Variants in NDUFAF2 observed in about 807,000 individuals in gnomAD.
NDUFAF2 encodes NADH:ubiquinone oxidoreductase complex assembly factor 2.
In NDUFAF2, 13 loss-of-function variants were observed where a neutral mutation model predicts 22.8. That is an observed-to-expected ratio of 0.57 (90% CI 0.37 to 0.91). The LOEUF (loss-of-function observed/expected upper bound fraction) is 0.91, where lower values mean the gene tolerates loss of function less well. Ranked by LOEUF, NDUFAF2 falls within the 40% of genes least tolerant of loss-of-function variation. The pLI, the probability that NDUFAF2 is intolerant of heterozygous loss-of-function variation, is 0.01. For synonymous variants in NDUFAF2, 53 were observed against 64.2 expected (o/e 0.83, Z 0.84); for missense variants, 162 against 195.2 (o/e 0.83, Z 1.01).
At chr5:61,113,486 C>T (rs916783825) in intron 3 of NDUFAF2, among the ~76,000 whole-genome samples, 15 of 152,220 alleles carry the variant, frequency 9.9e-5, no homozygotes, top group African/African-American at 3.6e-4. Context: ...ATTGTAGTTC[C>T]CATAATCCCC....
chr5:61,073,200 C>T lies in NDUFAF2; in HGVS notation c.203C>T (p.Pro68Leu). ...GTAGACTATGAAGCAGGGGATATTC[C>T]AACAGAATGGGAAGGTAAGTTTCTG... is the stretch of plus-strand genomic sequence containing the variant. ...KEVDYEAGDI[P>L]TEWEAWIRRT... is the part of the protein sequence containing the mutation. The change falls in exon 2 of 4, where the codon CCA becomes CTA. Residue 68 changes from proline (P) to leucine (L), a missense_variant. Transcript: ENST00000296597. 1 of 1,611,000 alleles carries T rather than the reference C, an allele frequency of 6.2e-7. No homozygotes were observed. Among genetic ancestry groups the T allele is most frequent in the African/African-American group, 1.3e-5 (1 of 74,940 alleles).
In NDUFAF2 at chr5:61,018,303, A is replaced by G. The variant is rs543918931; in HGVS notation, c.128-54822A>G. On this transcript the variant is annotated intron_variant, in intron 1 of 3. Transcript: ENST00000296597. ...TTATTTAAACCACAGGAATTGGCAA[A>G]TGCTACAAATCAGGGCTTAATTTAT... Among the ~76,000 whole-genome samples, 13 of 152,332 alleles carry G rather than the reference A, an allele frequency of 8.5e-5. No individual in the cohort carries two copies. In the South Asian group the frequency reaches 2.7e-3, roughly 32 times the overall value.
At chr5:61,057,767 G>A (rs1200825054) in intron 1 of NDUFAF2, among the ~76,000 whole-genome samples, 6 of 151,994 alleles carry the variant, frequency 3.9e-5, no homozygotes, top group Non-Finnish European at 8.8e-5. Context: ...TTTGAGCTTG[G>A]GAATCTGGTT....
intron 3 of NDUFAF2, among the ~76,000 whole-genome samples, chr5:61,105,642 AAAG>A (rs1418182980): frequency 6.6e-6 from 1 of 150,922 alleles, no homozygotes; most frequent in Non-Finnish European, 1.5e-5. Context: ...AAAAAAAAAA[AAAG>A]CAGCTACAGA....
intron 1 of NDUFAF2, among the ~76,000 whole-genome samples, chr5:60,951,005 G>T (rs1303544350): frequency 6.6e-6 from 1 of 151,524 alleles, no homozygotes; most frequent in African/African-American, 2.4e-5. Context: ...ATGTTTTTTT[G>T]TGGCATAATA....
intron 3 of NDUFAF2, among the ~76,000 whole-genome samples, chr5:61,109,144 T>C (rs951445232): frequency 2.0e-5 from 3 of 152,190 alleles, no homozygotes; most frequent in Admixed American, 2.0e-4. Context: ...CATCAATGTT[T>C]TATAGGTTTC....
chr5:60,967,049 G>A (rs934712036), intron 1 of NDUFAF2, among the ~76,000 whole-genome samples: 2 of 151,844 alleles, frequency 1.3e-5, no homozygotes, highest in African/African-American at 4.8e-5. Context: ...TCAGTGTATG[G>A]ATTTTTCACC....
At chr5:61,104,190 A>G (rs1752734224) in intron 3 of NDUFAF2, among the ~76,000 whole-genome samples, 2 of 152,110 alleles carry the variant, frequency 1.3e-5, no homozygotes, top group Admixed American at 6.6e-5. Flanking sequence ...TCAGTGTTGT[A>G]TAAGGTGAAT....
intron 1 of NDUFAF2, among the ~76,000 whole-genome samples, chr5:60,982,003 G>T (rs538926528): frequency 1.3e-5 from 2 of 152,012 alleles, no homozygotes; most frequent in Non-Finnish European, 2.9e-5. Context: ...AGTACTAAAG[G>T]ACATCTTTGG....
intron 1 of NDUFAF2, among the ~76,000 whole-genome samples, chr5:61,029,443 C>A (rs1334962538): frequency 6.6e-6 from 1 of 152,094 alleles, no homozygotes. Flanking sequence ...CCTTTTTTGA[C>A]ACTATTTCCA....
intron 1 of NDUFAF2, among the ~76,000 whole-genome samples, chr5:61,050,160 G>C (rs1320644641): frequency 2.6e-5 from 4 of 151,934 alleles, no homozygotes; most frequent in Non-Finnish European, 5.9e-5. Context: ...CATAATGTTT[G>C]CCTTACTACA....
At chr5:61,133,928 A>C (rs905437348) in intron 3 of NDUFAF2, among the ~76,000 whole-genome samples, 1 of 152,238 alleles carries the variant, frequency 6.6e-6, no homozygotes, top group African/African-American at 2.4e-5. Flanking sequence ...TAGCAATCTA[A>C]GTTCTAGTAG....
intron 1 of NDUFAF2, among the ~76,000 whole-genome samples, chr5:60,976,080 T>G (rs1056346108): frequency 6.6e-6 from 1 of 152,234 alleles, no homozygotes; most frequent in African/African-American, 2.4e-5. Context: ...TTTGTTCTAA[T>G]TTTGTATACT....
intron 1 of NDUFAF2, among the ~76,000 whole-genome samples, chr5:60,980,799 A>G (rs970424638): frequency 5.3e-5 from 8 of 152,124 alleles, no homozygotes; most frequent in Admixed American, 3.9e-4. Flanking sequence ...GACACACTGA[A>G]CAATGCATCA....
At chr5:61,066,578 C>T (rs1011422026) in intron 1 of NDUFAF2, among the ~76,000 whole-genome samples, 1 of 139,738 alleles carries the variant, frequency 7.2e-6, no homozygotes, top group South Asian at 2.4e-4. Context: ...TCAATCTATA[C>T]ATATATGGTC....
chr5:61,020,626 TGGCAGGCCTCCAACTCCAG>T (rs1273772225), intron 1 of NDUFAF2, among the ~76,000 whole-genome samples: 1 of 152,004 alleles, frequency 6.6e-6, no homozygotes, highest in Non-Finnish European at 1.5e-5. Context: ...TGTGTTGCCC[TGGCAGGCCTCCAACTCCAG>T]GGCTTAAGCA....
intron 1 of NDUFAF2, among the ~76,000 whole-genome samples, chr5:60,994,737 A>G (rs1286368152): frequency 6.6e-6 from 1 of 152,054 alleles, no homozygotes; most frequent in Non-Finnish European, 1.5e-5. Flanking sequence ...ACCTTTCTCT[A>G]GGTTTGAGTA....
chr5:61,016,836 C>T (rs1196569757), intron 1 of NDUFAF2, among the ~76,000 whole-genome samples: 1 of 152,090 alleles, frequency 6.6e-6, no homozygotes, highest in Non-Finnish European at 1.5e-5. Context: ...GTAGGTTGTT[C>T]GTGCCTGTGT....
At chr5:60,957,516 A>G (rs1750632886) in intron 1 of NDUFAF2, among the ~76,000 whole-genome samples, 1 of 147,616 alleles carries the variant, frequency 6.8e-6, no homozygotes, top group Non-Finnish European at 1.5e-5. Context: ...TTTTTTTAAC[A>G]GTTTATGTCT....
Sources: allele counts gnomAD v4.1 joint callset (sites outside exome capture counted in the v4.1 genomes callset), GRCh38; gene constraint gnomAD v4.1.1; transcripts MANE v1.5; gene names NCBI Gene and HGNC (gene_info 2026-07-23, HGNC 2026-07-21).